Variants in TINAG observed in about 807,000 individuals in gnomAD.
TINAG encodes tubulointerstitial nephritis antigen.
TINAG carries 83 observed loss-of-function variants against 72.7 expected under a neutral mutation model. The ratio of observed to expected loss-of-function variants is 1.14; its 90% confidence interval spans 0.96 to 1.37. The LOEUF (loss-of-function observed/expected upper bound fraction) is 1.37, where lower values mean the gene tolerates loss of function less well. TINAG is among the 40% of genes most tolerant of loss of function. The pLI is 0.00. For missense variants in TINAG, 685 were observed against 576.6 expected (o/e 1.19, Z -1.93); for synonymous variants, 234 against 189.9 (o/e 1.23, Z -1.91).
In TINAG at chr6:54,364,476, T is replaced by G. The variant is rs1582743943; in HGVS notation, c.1250+9840T>G. Among the ~76,000 whole-genome samples the G allele has an allele frequency of 2.0e-5, 3 of 151,586 alleles. No homozygotes were observed. In the Middle Eastern group the frequency reaches 0.01, roughly 516 times the overall value. The stretch of plus-strand genomic sequence containing the variant: ...AGATAGAAAAATGATTGAGTCAAAA[T>G]AGACTAAAAATATTTAATAATTCAA... On this transcript the variant is annotated intron_variant, in intron 9 of 10. Transcript: ENST00000259782.
intron 4 of TINAG, among the ~76,000 whole-genome samples, chr6:54,333,894 CA>C (rs58585845): frequency 0.024 from 3,682 of 152,234 alleles, 163 homozygotes; most frequent in African/African-American, 0.08. Context: ...GGTTGATCCT[CA>C]AAAATCCTCA....
intron 4 of TINAG, among the ~76,000 whole-genome samples, chr6:54,328,827 A>G (rs1784670083): frequency 1.3e-5 from 2 of 151,830 alleles, no homozygotes; most frequent in Non-Finnish European, 1.5e-5. Context: ...CATGAAGCAT[A>G]CACAAGTATC....
At chr6:54,381,446 G>A (rs1763947002) in intron 10 of TINAG, among the ~76,000 whole-genome samples, 1 of 151,780 alleles carries the variant, frequency 6.6e-6, no homozygotes, top group Non-Finnish European at 1.5e-5. Context: ...GCATATTTTG[G>A]CTTACAAAGC....
intron 1 of TINAG, 39 bp downstream of exon 1, chr6:54,308,944 A>G (rs1027964694): frequency 2.0e-6 from 3 of 1,487,312 alleles, no homozygotes; most frequent in Non-Finnish European, 1.8e-6. Context: ...ATCCTCGTTC[A>G]TAACAACAAG....
intron 4 of TINAG, among the ~76,000 whole-genome samples, chr6:54,331,120 A>G (rs1784729990): frequency 6.6e-6 from 1 of 152,250 alleles, no homozygotes; most frequent in African/African-American, 2.4e-5. Context: ...GGCCAGCATC[A>G]TCTTGATACC....
chr6:54,319,010 G>A lies in TINAG; in HGVS notation c.356-1569G>A, dbSNP rs184181963. Among the ~76,000 whole-genome samples, 32 of 152,068 alleles carry A rather than the reference G, an allele frequency of 2.1e-4. 1 individual carries two copies. The highest frequency in any genetic ancestry group is 8.8e-5 in the Non-Finnish European group (6 of 67,976). Reference sequence around the variant, plus strand: ...GATGATTTGGGGTGGCTTGGTAATGGCGGTCCCCTGACTTCAAAATTATTA... The same window carrying A: ...GATGATTTGGGGTGGCTTGGTAATGACGGTCCCCTGACTTCAAAATTATTA... On this transcript the variant is annotated intron_variant, in intron 1 of 10. Transcript: ENST00000259782.
At chr6:54,326,938 C>T (rs372367505) in intron 4 of TINAG, 22 bp downstream of exon 4, 465 of 1,612,850 alleles carry the variant, frequency 2.9e-4, no homozygotes, top group South Asian at 6.2e-4. Flanking sequence ...TTCTGATTCA[C>T]GTATGTGCAT....
chr6:54,319,972 T>C (rs1382103072), intron 1 of TINAG, among the ~76,000 whole-genome samples: 2 of 151,798 alleles, frequency 1.3e-5, no homozygotes, highest in African/African-American at 4.8e-5. Flanking sequence ...GAGTAGTTCA[T>C]ATAATCTCAT....
At chr6:54,356,908 T>C (rs1287520194) in intron 9 of TINAG, among the ~76,000 whole-genome samples, 1 of 71,150 alleles carries the variant, frequency 1.4e-5, no homozygotes, top group African/African-American at 8.1e-5. Flanking sequence ...AGTGTTGTTA[T>C]CCCTCAGATT....
At chr6:54,383,433 C>T (rs749705073) in intron 10 of TINAG, among the ~76,000 whole-genome samples, 1 of 151,834 alleles carries the variant, frequency 6.6e-6, no homozygotes, top group Non-Finnish European at 1.5e-5. Context: ...AGCAGCAAGC[C>T]ATAAATTCTA....
intron 9 of TINAG, among the ~76,000 whole-genome samples, chr6:54,368,983 T>C (rs1050380271): frequency 1.8e-4 from 27 of 151,966 alleles, no homozygotes; most frequent in Admixed American, 2.0e-4. Flanking sequence ...TATATTCAGA[T>C]ATATTTTTAA....
chr6:54,329,947 A>G (rs150419952), intron 4 of TINAG, among the ~76,000 whole-genome samples: 25 of 152,308 alleles, frequency 1.6e-4, no homozygotes, highest in Non-Finnish European at 2.6e-4. Context: ...TATGCACCCA[A>G]TACAGGAGCA....
At chr6:54,350,696 T>A (rs1201385683) in intron 7 of TINAG, among the ~76,000 whole-genome samples, 1 of 149,142 alleles carries the variant, frequency 6.7e-6, no homozygotes, top group Non-Finnish European at 1.5e-5. Flanking sequence ...AAAAACTTCA[T>A]CTTCTCTGTG....
intron 6 of TINAG, among the ~76,000 whole-genome samples, chr6:54,348,087 AG>A (rs1785168949): frequency 6.6e-6 from 1 of 152,108 alleles, no homozygotes; most frequent in Non-Finnish European, 1.5e-5. Context: ...TCTGCTAAAA[AG>A]CTGAGTTATT....
At chr6:54,368,549 T>C (rs2150973167) in intron 9 of TINAG, among the ~76,000 whole-genome samples, 1 of 151,234 alleles carries the variant, frequency 6.6e-6, no homozygotes, top group East Asian at 1.9e-4. Context: ...TAATGCATTT[T>C]ATTGCTTATT....
intron 3 of TINAG, among the ~76,000 whole-genome samples, chr6:54,321,981 C>T (rs558458259): frequency 5.3e-5 from 8 of 152,210 alleles, no homozygotes; most frequent in Non-Finnish European, 7.4e-5. Context: ...AATTAGGTGG[C>T]GTCTCCATTT....
intron 9 of TINAG, among the ~76,000 whole-genome samples, chr6:54,376,670 CTTT>C (rs1157035649): frequency 2.0e-5 from 3 of 152,142 alleles, no homozygotes; most frequent in South Asian, 2.1e-4. Context: ...AACAATATCC[CTTT>C]TAAAAGGAAC....
intron 4 of TINAG, among the ~76,000 whole-genome samples, chr6:54,341,498 G>T (rs1255203827): frequency 1.3e-5 from 2 of 152,040 alleles, no homozygotes; most frequent in Non-Finnish European, 2.9e-5. Flanking sequence ...AGCAGCAATG[G>T]ACCTCAGGAT....
chr6:54,346,159 T>C (rs987368086), intron 5 of TINAG, among the ~76,000 whole-genome samples: 3 of 152,016 alleles, frequency 2.0e-5, no homozygotes, highest in Non-Finnish European at 1.5e-5. Flanking sequence ...TTAGTTTATT[T>C]TGGTACAATG....
Sources: gnomAD v4.1 joint callset for allele counts (sites outside exome capture counted in the v4.1 genomes callset) on GRCh38, gnomAD v4.1.1 for gene constraint, MANE v1.5 for transcripts, NCBI Gene and HGNC (gene_info 2026-07-23, HGNC 2026-07-21) for gene names.